Variants in MPV17 observed in about 807,000 individuals in gnomAD.
The protein encoded by MPV17 is MPV17, mitochondrial inner membrane protein.
Under a neutral mutation model 28.6 loss-of-function variants are expected in MPV17, and 31 were observed. The ratio of observed to expected loss-of-function variants is 1.08; its 90% CI spans 0.81 to 1.46. The LOEUF is 1.46. MPV17 is among the 40% of genes most tolerant of loss of function. The pLI is 0.00. For missense variants in MPV17, 198 were observed against 216.2 expected (o/e 0.92, Z 0.53); for synonymous variants, 87 against 85.3 (o/e 1.02, Z -0.11).
chr2:27,320,626 G>A (rs1264641960), intron 2 of MPV17, among the ~76,000 whole-genome samples: 5 of 152,132 alleles, frequency 3.3e-5, no homozygotes, highest in Non-Finnish European at 5.9e-5. Flanking sequence ...GAGCCACCGC[G>A]CCCAGTCCCT....
chr2:27,311,468 G>A, intron 7 of MPV17: 1 of 932,292 alleles, frequency 1.1e-6, no homozygotes, highest in Non-Finnish European at 1.6e-6. Context: ...TCAAGCATTT[G>A]AACCACACAT....
chr2:27,316,252 C>G lies in MPV17; in HGVS notation c.71-3143G>C, dbSNP rs1265367594. On this transcript the variant is annotated intron_variant, in intron 2 of 7. Transcript: ENST00000380044. The stretch of plus-strand genomic sequence containing the variant: ...GACTTGCCAACAGTCACACAACAAG[C>G]TAGAGGCAGAGCTGGAATGAAAAGC... The G allele has an allele frequency of 7.8e-6, 12 of 1,535,148 alleles. No individual in the cohort carries two copies. In the East Asian group the frequency reaches 2.9e-4, roughly 38 times the overall value.
chr2:27,313,255 C>T, intron 2 of MPV17, 146 bp from the exon 3 acceptor site: 1 of 1,530,656 alleles, frequency 6.5e-7, no homozygotes, highest in Non-Finnish European at 8.8e-7. Context: ...TAGTCCCTTC[C>T]TGCTGCCTCA....
chr2:27,314,895 G>T (rs1168934025), intron 2 of MPV17, among the ~76,000 whole-genome samples: 1 of 152,222 alleles, frequency 6.6e-6, no homozygotes, highest in Non-Finnish European at 1.5e-5. Context: ...CCTCTGCCCG[G>T]CCGGCCCTGC....
chr2:27,321,243 T>G (rs1329950675), intron 2 of MPV17, among the ~76,000 whole-genome samples: 2 of 152,332 alleles, frequency 1.3e-5, no homozygotes, highest in Non-Finnish European at 2.9e-5. Context: ...GTTCCCATCA[T>G]AGCCACACTG....
Position 27,311,911 on chromosome 2 carries a change from G to C in MPV17, c.449C>G (p.Pro150Arg). The C allele has an allele frequency of 6.2e-7, 1 of 1,613,812 alleles. No individual in the cohort carries two copies. Among genetic ancestry groups the C allele is most frequent in the Non-Finnish European group, 8.5e-7 (1 of 1,179,996 alleles). Reference sequence around the variant, plus strand: ...GGGTGCAACATACCTGTAATGAAGGGGGACCAGGTAGAAGTTGGCTAACTG... The same window carrying C: ...GGGTGCAACATACCTGTAATGAAGGCGGACCAGGTAGAAGTTGGCTAACTG... ...AVQLANFYLVPLHYRLAVVQC... is the reference protein window; with the variant it reads ...AVQLANFYLVRLHYRLAVVQC... Residue 150 changes from proline (P) to arginine (R), a missense_variant, in exon 7 of 8, where the codon CCC (proline) becomes CGC (arginine). Pro to Arg is a moderately radical substitution (Grantham distance 103, BLOSUM62 -2). Coordinates refer to ENST00000380044, the MANE Select transcript of MPV17 (RefSeq NM_002437.5).
At chr2:27,316,839 G>A (rs568821870) in intron 2 of MPV17, 990 of 446,534 alleles carry the variant, frequency 2.2e-3, no homozygotes, top group Non-Finnish European at 3.5e-3. Context: ...CAGGCTGGGC[G>A]TGGAGCCCAG....
At position 27,312,506 on chromosome 2, in the gene MPV17, G is replaced by C; in HGVS notation, c.363C>G (p.Ala121=). 1 of 1,614,054 alleles carries C rather than the reference G, an allele frequency of 6.2e-7. No individual in the cohort carries two copies. Among genetic ancestry groups the C allele is most frequent in the Non-Finnish European group, 8.5e-7 (1 of 1,179,898 alleles). Residue 121 remains alanine (A), a synonymous_variant, in exon 5 of 8, where the codon GCC becomes GCG. Transcript: ENST00000380044. ...CTGCCCAGCTCACCCGCTGTAGTTT[G>C]GCCCAGTTGTCCTGGGCTGACAGTC... is the stretch of plus-strand genomic sequence containing the variant. The part of the protein sequence containing the change: ...LNGLSAQDNW[A]KLQRDYPDAL...
chr2:27,321,457 C>T (rs181694637), intron 2 of MPV17, among the ~76,000 whole-genome samples: 257 of 152,348 alleles, frequency 1.7e-3, no homozygotes, highest in African/African-American at 6.0e-3. Context: ...TCCACTCTGG[C>T]CTTCAGTAGC....
In MPV17 at chr2:27,313,102, C is replaced by T. The variant is rs758012171; in HGVS notation, c.78G>A (p.Leu26=). The T allele has an allele frequency of 8.7e-6, 14 of 1,614,098 alleles. No individual in the cohort carries two copies. The South Asian group carries it at 1.4e-4, about 16-fold the overall frequency. ...GTGAGATAATGTCACCCAGGCCCAT[C>T]AGGGACCCTATGCAGGGTACACAGG... ...WKVQVLTAGS[L]MGLGDIISQQ... Residue 26 remains leucine, a synonymous_variant, in exon 3 of 8, where the codon CTG becomes CTA. Coordinates refer to ENST00000380044, the MANE Select transcript of MPV17 (RefSeq NM_002437.5).
In MPV17 at chr2:27,317,344, A is replaced by G; in HGVS notation, c.71-4235T>C. On this transcript the variant is annotated intron_variant, in intron 2 of 7. Transcript: ENST00000380044. This position sits in a 1 kb window ranked among gnomAD's most constrained non-coding sequence, Gnocchi z 4.0. The stretch of plus-strand genomic sequence containing the variant: ...AGTGGATCCTCTGGGATTATTCTGA[A>G]TGCTCTCCCATTTCTGACCTGAACC... 1.0e-6 allele frequency: 1 copy of G among 954,360 alleles called. No individual in the cohort carries two copies. The highest frequency in any genetic ancestry group is 1.5e-6 in the Non-Finnish European group (1 of 670,100). 59.1% of individuals were successfully genotyped at this position (954,360 alleles called of 1,614,324 possible).
rs1467037324 is a variant in MPV17, at chr2:27,322,349, C to G, written c.70+99G>C. On this transcript the variant is annotated intron_variant, in intron 2 of 7. Coordinates refer to ENST00000380044, the MANE Select transcript of MPV17 (RefSeq NM_002437.5). ...AAAGACAGCCAACCCTTCAAGAGAG[C>G]CGAATAGAAACAGGAAGTGAGGGTG... 8.7e-6 allele frequency: 9 copies of G among 1,033,096 alleles called. No individual in the cohort carries two copies. In the East Asian group the frequency reaches 2.1e-4, roughly 24 times the overall value. The allele number at this position is 1,033,096 out of a possible 1,614,324, so 64.0% of individuals were successfully genotyped here. A position where few individuals can be genotyped will look rare whatever the true frequency, so the allele number is the denominator to read the frequency against.
At position 27,310,562 on chromosome 2, in the gene MPV17, C is replaced by T. The variant is rs576716004; in HGVS notation, c.462-581G>A. Among the ~76,000 whole-genome samples the T allele has an allele frequency of 1.3e-4, 20 of 152,366 alleles. No individual in the cohort carries two copies. In the South Asian group the frequency reaches 4.1e-3, roughly 32 times the overall value. Reference sequence around the variant, plus strand: ...TGTTAATCACAGAAAGGGCCCCTATCTGGGCCCCTTCTAAGTTCATTGATC... The same window carrying T: ...TGTTAATCACAGAAAGGGCCCCTATTTGGGCCCCTTCTAAGTTCATTGATC... On this transcript the variant is annotated intron_variant, in intron 7 of 7. Coordinates refer to ENST00000380044, the MANE Select transcript of MPV17 (RefSeq NM_002437.5).
In MPV17 at chr2:27,316,411, T is replaced by C. The variant is rs542874951; in HGVS notation, c.71-3302A>G. 1.1e-4 allele frequency among the ~76,000 whole-genome samples: 16 copies of C among 152,118 alleles called. No homozygotes were observed. In the South Asian group the frequency reaches 2.3e-3, roughly 22 times the overall value. ...CAGGGCAGCAGTAGGGGTGAGTAGG[T>C]GGTATGTAGATCTGCAGTCCCTGAC... On this transcript the variant is annotated intron_variant, in intron 2 of 7. Transcript: ENST00000380044.
Position 27,317,313 on chromosome 2 carries a change from G to A in MPV17, c.71-4204C>T. The A allele has an allele frequency of 2.5e-6, 3 of 1,222,896 alleles. No homozygotes were observed. The highest frequency in any genetic ancestry group is 2.8e-5 in the East Asian group (1 of 35,880). The allele number at this position is 1,222,896 out of a possible 1,614,324, so 75.8% of individuals were successfully genotyped here. ...AGAGGGAGTGGAAGCCCAGCAGCGG[G>A]AGGGGAGTGGATCCTCTGGGATTAT... is the stretch of plus-strand genomic sequence containing the variant. On this transcript the variant is annotated intron_variant, in intron 2 of 7. Transcript: ENST00000380044. The surrounding 1 kb of genome is among the most constrained non-coding windows in gnomAD (Gnocchi z 4.0).
chr2:27,319,421 G>T (rs938321422), intron 2 of MPV17, among the ~76,000 whole-genome samples: 2 of 146,154 alleles, frequency 1.4e-5, no homozygotes, highest in Admixed American at 1.3e-4. Flanking sequence ...CACTCGGGAG[G>T]CTAAGGCAGA....
chr2:27,318,069 C>CTTTTT (rs746744519), intron 2 of MPV17, among the ~76,000 whole-genome samples: 6 of 137,410 alleles, frequency 4.4e-5, no homozygotes, highest in African/African-American at 1.3e-4. Context: ...TCTTTCTTTT[C>CTTTTT]TTTTTTTTTT....
chr2:27,320,457 C>T (rs372192802), intron 2 of MPV17, among the ~76,000 whole-genome samples: 1 of 151,904 alleles, frequency 6.6e-6, no homozygotes, highest in South Asian at 2.1e-4. Context: ...CTGCCTCAGC[C>T]TCCCAAGTAG....
intron 2 of MPV17, among the ~76,000 whole-genome samples, chr2:27,313,665 A>G (rs1679544220): frequency 6.6e-6 from 1 of 152,198 alleles, no homozygotes; most frequent in South Asian, 2.1e-4. Flanking sequence ...GACCCTGCCA[A>G]CAGCTTTCAC....
Sources: gnomAD v4.1 joint callset for allele counts (sites outside exome capture counted in the v4.1 genomes callset) on GRCh38, gnomAD v4.1.1 for gene constraint, Gnocchi (gnomAD v3.1) non-coding constraint, MANE v1.5 for transcripts, NCBI Gene and HGNC (gene_info 2026-07-23, HGNC 2026-07-21) for gene names.